PPTC7: variants seen among roughly 807,000 people sequenced by gnomAD.
PPTC7 encodes the protein protein phosphatase PTC7 homolog.
A neutral mutation model predicts 30.8 loss-of-function variants in PPTC7; 6 were observed. The ratio of observed to expected loss-of-function variants is 0.19; its 90% CI spans 0.11 to 0.38. The LOEUF (loss-of-function observed/expected upper bound fraction) is 0.38, where lower values mean the gene tolerates loss of function less well. PPTC7 is among the 10% of genes least tolerant of loss of function. The probability of loss-of-function intolerance (pLI) is 1.00; values close to 1 mark genes in which losing one functional copy is unlikely to be tolerated. For synonymous variants in PPTC7, 163 were observed against 168.1 expected (o/e 0.97, Z 0.23); for missense variants, 218 against 404.8 (o/e 0.54, Z 3.96).
At position 110,560,011 on chromosome 12, in the gene PPTC7, G is replaced by A. The variant is rs553963405; in HGVS notation, c.224-8043C>T. On this transcript the variant is annotated intron_variant, in intron 1 of 5. Coordinates refer to ENST00000354300, the MANE Select transcript of PPTC7 (RefSeq NM_139283.2). ...CCAAAATGCTAGAATTACAGGAATGGGCCACTGAGCCCAGCCAAGAAGAAA... is the reference window on the plus strand; with the variant it reads ...CCAAAATGCTAGAATTACAGGAATGAGCCACTGAGCCCAGCCAAGAAGAAA... Among the ~76,000 whole-genome samples, 261 of 152,116 alleles carry A rather than the reference G, an allele frequency of 1.7e-3. 2 individuals are homozygous for A. The highest frequency in any genetic ancestry group is 6.8e-3 in the Middle Eastern group (2 of 294).
chr12:110,544,202 G>C (rs904792445), intron 3 of PPTC7, among the ~76,000 whole-genome samples: 3 of 152,174 alleles, frequency 2.0e-5, no homozygotes, highest in Non-Finnish European at 4.4e-5. Context: ...ACCGGTAAAA[G>C]TTACTTTTAC....
rs2135766647 is a variant in PPTC7, at chr12:110,545,960, A to G, written c.522T>C (p.Asp174=). ...GAGTGTTGAAGTAATGCTGCTGCTC[A>G]TCTGATCGGTGCACGACTTCACCAC... is the stretch of plus-strand genomic sequence containing the variant. The part of the protein sequence containing the change: ...VRGGEVVHRS[D]EQQHYFNTPF... Residue 174 remains aspartate (D), a synonymous_variant, in exon 3 of 6, where the codon GAT becomes GAC. Transcript: ENST00000354300. 3 of 1,614,196 alleles carry G rather than the reference A, an allele frequency of 1.9e-6. No homozygotes were observed. The highest frequency in any genetic ancestry group is 4.5e-5 in the East Asian group (2 of 44,888).
rs529890038 is a variant in PPTC7, at chr12:110,581,949, T to C, written c.223+860A>G. Among the ~76,000 whole-genome samples the C allele has an allele frequency of 2.4e-4, 37 of 152,350 alleles. 1 individual carries two copies. Among genetic ancestry groups the C allele is most frequent in the African/African-American group, 8.7e-4 (36 of 41,588 alleles). On this transcript the variant is annotated intron_variant, in intron 1 of 5. Coordinates refer to ENST00000354300, the MANE Select transcript of PPTC7 (RefSeq NM_139283.2). The stretch of plus-strand genomic sequence containing the variant: ...TTTAACGGCACAATATCCCATAGCA[T>C]ACACAAAATCTCCTAAGGCGTACAT...
intron 1 of PPTC7, among the ~76,000 whole-genome samples, chr12:110,569,893 G>A (rs2064518295): frequency 6.6e-6 from 1 of 152,122 alleles, no homozygotes. Context: ...TAACTAAAAT[G>A]TTGGCAAAGT....
intron 3 of PPTC7, among the ~76,000 whole-genome samples, chr12:110,541,952 C>A (rs1336964036): frequency 6.6e-6 from 1 of 151,840 alleles, no homozygotes; most frequent in Non-Finnish European, 1.5e-5. Flanking sequence ...TCAAGACCAG[C>A]CTGGCCATCA....
intron 1 of PPTC7, among the ~76,000 whole-genome samples, chr12:110,581,080 A>G (rs1454110220): frequency 6.6e-6 from 1 of 152,130 alleles, no homozygotes; most frequent in African/African-American, 2.4e-5. Flanking sequence ...TGAACCTTAG[A>G]GGCTCATTAT....
chr12:110,543,475 A>G (rs2064280397), intron 3 of PPTC7, among the ~76,000 whole-genome samples: 1 of 152,142 alleles, frequency 6.6e-6, no homozygotes, highest in Admixed American at 6.5e-5. Flanking sequence ...ACTGGGGGAA[A>G]TCAGGTCAAT....
chr12:110,559,056 C>T (rs1160407612), intron 1 of PPTC7, among the ~76,000 whole-genome samples: 1 of 152,070 alleles, frequency 6.6e-6, no homozygotes, highest in Non-Finnish European at 1.5e-5. Context: ...CAGCATCCTG[C>T]TCTGTCACCC....
At chr12:110,566,521 G>A (rs534604478) in intron 1 of PPTC7, among the ~76,000 whole-genome samples, 12 of 152,266 alleles carry the variant, frequency 7.9e-5, no homozygotes, top group South Asian at 2.1e-4. Context: ...TCACAGGGCC[G>A]GTGTGAGGAA....
intron 1 of PPTC7, among the ~76,000 whole-genome samples, chr12:110,561,164 C>A (rs917536262): frequency 5.9e-5 from 9 of 152,250 alleles, no homozygotes; most frequent in Admixed American, 3.9e-4. Context: ...TGAGGCTTTT[C>A]AAAGACTTTA....
intron 3 of PPTC7, among the ~76,000 whole-genome samples, chr12:110,542,687 A>AAG (rs974346151): frequency 6.6e-6 from 1 of 150,734 alleles, no homozygotes; most frequent in African/African-American, 2.4e-5. Flanking sequence ...AAAAAAAAAA[A>AAG]AAAAAAAAAA....
chr12:110,546,295 A>G, intron 2 of PPTC7: 1 of 547,756 alleles, frequency 1.8e-6, no homozygotes, highest in Non-Finnish European at 3.3e-6. Context: ...TATTATACAT[A>G]GTAATTGGGC....
intron 3 of PPTC7, among the ~76,000 whole-genome samples, chr12:110,540,321 C>CCCCTTT (rs377082561): frequency 9.5e-6 from 1 of 105,010 alleles, no homozygotes; most frequent in Non-Finnish European, 1.8e-5. Flanking sequence ...CCCCCCCCGC[C>CCCCTTT]TTTTTTTTTT....
intron 1 of PPTC7, among the ~76,000 whole-genome samples, chr12:110,568,162 A>C (rs1352162791): frequency 6.6e-6 from 1 of 151,964 alleles, no homozygotes; most frequent in Non-Finnish European, 1.5e-5. Context: ...CTGAGCCCTC[A>C]ATCTGGAGTA....
intron 3 of PPTC7, among the ~76,000 whole-genome samples, chr12:110,540,151 A>C (rs1393464222): frequency 6.6e-6 from 1 of 152,178 alleles, no homozygotes; most frequent in Non-Finnish European, 1.5e-5. Flanking sequence ...AATGTTTCAA[A>C]TTTTTAACTG....
rs757614074 is a variant in PPTC7, at chr12:110,582,810, G to A, written c.222C>T (p.Leu74=). 1.9e-6 allele frequency: 3 copies of A among 1,556,606 alleles called. No individual in the cohort carries two copies. In the Admixed American group the frequency reaches 5.7e-5, roughly 30 times the overall value. Residue 74 remains leucine, a splice_region_variant and synonymous_variant, in exon 1 of 6, where the codon CTC becomes CTT. Coordinates refer to ENST00000354300, the MANE Select transcript of PPTC7 (RefSeq NM_139283.2). The part of the protein sequence containing the change: ...FVARHRSADV[L]GVADGVGGWR... ...AAGGGAACCGGGTCGGGGACTCACC[G>A]AGCACGTCCGCGGAACGGTGCCGGG...
intron 1 of PPTC7, among the ~76,000 whole-genome samples, chr12:110,573,896 G>A (rs563239606): frequency 5.5e-4 from 83 of 152,034 alleles, no homozygotes; most frequent in African/African-American, 1.9e-3. Context: ...CACGAGAATC[G>A]CTTGAACCCG....
chr12:110,559,745 A>G (rs2064422462), intron 1 of PPTC7, among the ~76,000 whole-genome samples: 1 of 151,020 alleles, frequency 6.6e-6, no homozygotes, highest in African/African-American at 2.4e-5. Flanking sequence ...AAAAAAAAAA[A>G]AAAAAGAAAT....
At chr12:110,578,464 C>G (rs1007017169) in intron 1 of PPTC7, among the ~76,000 whole-genome samples, 1 of 152,144 alleles carries the variant, frequency 6.6e-6, no homozygotes, top group African/African-American at 2.4e-5. Flanking sequence ...TCACCACACC[C>G]AACATAGTCA....
Sources: gnomAD v4.1 joint callset for allele counts (sites outside exome capture counted in the v4.1 genomes callset) on GRCh38, gnomAD v4.1.1 for gene constraint, MANE v1.5 for transcripts, NCBI Gene and HGNC (gene_info 2026-07-23, HGNC 2026-07-21) for gene names.